AKAP19: variants seen among roughly 807,000 people sequenced by gnomAD.
AKAP19 encodes small A-kinase anchoring protein.
At chr2:190,196,682 A>G in the AKAP19 span, among the ~76,000 whole-genome samples, 46,250 of 151,976 alleles carry the variant, frequency 0.3, 7,901 homozygotes, top group East Asian at 0.5. Context: ...CTTGTTAAAG[A>G]GGATTATTTC....
chr2:189,908,479 G>A, the AKAP19 span, among the ~76,000 whole-genome samples: 13 of 152,176 alleles, frequency 8.5e-5, no homozygotes, highest in African/African-American at 2.4e-5. Flanking sequence ...TAACAGGTGT[G>A]AGCCACTGTG....
the AKAP19 span, among the ~76,000 whole-genome samples, chr2:190,039,915 A>G: frequency 4.0e-5 from 6 of 151,862 alleles, no homozygotes; most frequent in African/African-American, 1.5e-4. Context: ...TCTTTATTCA[A>G]TCTGTTATTG....
At chr2:189,991,459 AT>A in the AKAP19 span, among the ~76,000 whole-genome samples, 1 of 151,994 alleles carries the variant, frequency 6.6e-6, no homozygotes, top group Admixed American at 6.6e-5. Flanking sequence ...GATGTTGAGA[AT>A]TTTTTCATAT....
chr2:190,082,197 T>C, the AKAP19 span, among the ~76,000 whole-genome samples: 2 of 152,242 alleles, frequency 1.3e-5, no homozygotes, highest in Non-Finnish European at 2.9e-5. Flanking sequence ...TGAAGAGGCA[T>C]GAAGTTCATG....
At chr2:189,930,985 G>A in the AKAP19 span, 1 of 831,272 alleles carries the variant, frequency 1.2e-6, no homozygotes. Context: ...GTCATCCGAG[G>A]TGGGGGATTT....
At chr2:189,992,735 C>A in the AKAP19 span, among the ~76,000 whole-genome samples, 2 of 152,152 alleles carry the variant, frequency 1.3e-5, no homozygotes, top group Non-Finnish European at 2.9e-5. Context: ...AGGTCTTTCA[C>A]CTCCTTGGTC....
At chr2:190,188,157 TTC>T in the AKAP19 span, among the ~76,000 whole-genome samples, 188 of 152,294 alleles carry the variant, frequency 1.2e-3, no homozygotes, top group African/African-American at 4.3e-3. Context: ...ATAAATTATA[TTC>T]TCTTTCTCCT....
At chr2:189,914,047 G>C in the AKAP19 span, among the ~76,000 whole-genome samples, 1 of 152,034 alleles carries the variant, frequency 6.6e-6, no homozygotes, top group Non-Finnish European at 1.5e-5. Context: ...GTTTAGAACA[G>C]CTGTGTCTTT....
chr2:190,132,719 T>C, the AKAP19 span, among the ~76,000 whole-genome samples: 1 of 152,082 alleles, frequency 6.6e-6, no homozygotes, highest in Non-Finnish European at 1.5e-5. Context: ...ATGACATTAC[T>C]TTGGGGGATG....
At chr2:190,128,670 T>C in the AKAP19 span, among the ~76,000 whole-genome samples, 1 of 152,266 alleles carries the variant, frequency 6.6e-6, no homozygotes, top group African/African-American at 2.4e-5. Flanking sequence ...ATTGCCATCA[T>C]AGATTTTTGG....
the AKAP19 span, among the ~76,000 whole-genome samples, chr2:190,005,294 C>CTGCTGATTGGTCCATTTTACAGAG: frequency 3.3e-5 from 5 of 152,330 alleles, no homozygotes; most frequent in Admixed American, 3.3e-4. Context: ...TGCCCACATC[C>CTGCTGATTGGTCCATTTTACAGAG]TGCTGATTGG....
At chr2:189,943,013 G>GA in the AKAP19 span, among the ~76,000 whole-genome samples, 2 of 152,338 alleles carry the variant, frequency 1.3e-5, no homozygotes, top group East Asian at 3.9e-4. Context: ...GGCAGAGAAA[G>GA]AAAAAGCTTT....
the AKAP19 span, among the ~76,000 whole-genome samples, chr2:189,983,740 G>T: frequency 6.6e-6 from 1 of 152,234 alleles, no homozygotes; most frequent in Non-Finnish European, 1.5e-5. Flanking sequence ...TGTGCTTGCA[G>T]AAGTCAGAGT....
At chr2:190,079,023 T>G in the AKAP19 span, among the ~76,000 whole-genome samples, 1 of 152,198 alleles carries the variant, frequency 6.6e-6, no homozygotes, top group Admixed American at 6.5e-5. Flanking sequence ...ATTTATTATA[T>G]GTATGCTTTT....
chr2:189,997,003 G>T, the AKAP19 span, among the ~76,000 whole-genome samples: 12 of 152,342 alleles, frequency 7.9e-5, no homozygotes, highest in African/African-American at 2.9e-4. Context: ...GGTGGAAGAG[G>T]AGTGAAGTAG....
At chr2:189,932,407 CAA>C in the AKAP19 span, among the ~76,000 whole-genome samples, 101,556 of 124,078 alleles carry the variant, frequency 0.82, 42,004 homozygotes, top group East Asian at 0.95. Flanking sequence ...GACTCCAACT[CAA>C]AAAAAAAAAA....
At chr2:189,904,052 G>A in the AKAP19 span, among the ~76,000 whole-genome samples, 2 of 150,892 alleles carry the variant, frequency 1.3e-5, no homozygotes, top group East Asian at 3.9e-4. Context: ...AAATGAGAGT[G>A]TTTAAAAGAT....
the AKAP19 span, among the ~76,000 whole-genome samples, chr2:189,881,005 C>T: frequency 2.0e-5 from 3 of 152,068 alleles, no homozygotes; most frequent in African/African-American, 4.8e-5. Flanking sequence ...AAGTGACATA[C>T]GTGACATACA....
At chr2:189,905,139 CAT>C in the AKAP19 span, among the ~76,000 whole-genome samples, 2 of 151,820 alleles carry the variant, frequency 1.3e-5, no homozygotes, top group Non-Finnish European at 2.9e-5. Flanking sequence ...AAAGGTAAGA[CAT>C]GTGTAATACA....
Sources: allele counts gnomAD v4.1 joint callset (sites outside exome capture counted in the v4.1 genomes callset), GRCh38; gene constraint gnomAD v4.1.1; transcripts MANE v1.5; gene names NCBI Gene and HGNC (gene_info 2026-07-23, HGNC 2026-07-21).